TRPM3: variants seen among roughly 807,000 people sequenced by gnomAD.
TRPM3 encodes the protein transient receptor potential cation channel subfamily M member 3.
A neutral mutation model predicts 181.2 loss-of-function variants in TRPM3; 77 were observed. The ratio of observed to expected loss-of-function variants is 0.42; its 90% CI spans 0.35 to 0.51. TRPM3 has a LOEUF of 0.51. TRPM3 is among the 20% of genes least tolerant of loss of function. The pLI is 0.01. For synonymous variants in TRPM3, 745 were observed against 796.4 expected (o/e 0.94, Z 1.09); for missense variants, 1,759 against 2,196.7 (o/e 0.80, Z 3.98).
At chr9:70,860,508 G>A (rs1055183534) in intron 3 of TRPM3, among the ~76,000 whole-genome samples, 7 of 152,134 alleles carry the variant, frequency 4.6e-5, no homozygotes, top group Non-Finnish European at 7.4e-5. Context: ...TTTTACAAGT[G>A]AGGAAACTGA....
intron 1 of TRPM3, among the ~76,000 whole-genome samples, chr9:70,905,078 G>A (rs2096443058): frequency 6.6e-6 from 1 of 152,178 alleles, no homozygotes; most frequent in Admixed American, 6.5e-5. Context: ...AATTAGATAT[G>A]ACTCCCATCA....
At chr9:70,964,672 C>T (rs1347995266) in intron 1 of TRPM3, among the ~76,000 whole-genome samples, 1 of 152,028 alleles carries the variant, frequency 6.6e-6, no homozygotes, top group Admixed American at 6.6e-5. Context: ...AGGTGTGACT[C>T]CTGTCCTTGA....
chr9:71,007,816 T>C (rs1237618487), intron 1 of TRPM3, among the ~76,000 whole-genome samples: 1 of 152,012 alleles, frequency 6.6e-6, no homozygotes, highest in Non-Finnish European at 1.5e-5. Flanking sequence ...TAAATGCCTA[T>C]ATCTAAAAAA....
intron 1 of TRPM3, among the ~76,000 whole-genome samples, chr9:71,221,422 A>C (rs746312144): frequency 6.6e-6 from 1 of 152,224 alleles, no homozygotes; most frequent in African/African-American, 2.4e-5. Context: ...AATAAAAAAT[A>C]ATTTTAATAT....
intron 1 of TRPM3, among the ~76,000 whole-genome samples, chr9:71,419,701 T>G (rs940522977): frequency 6.6e-6 from 1 of 151,982 alleles, no homozygotes; most frequent in African/African-American, 2.4e-5. Context: ...ACTGTACACT[T>G]AAAATGGATA....
At chr9:71,426,084 T>G (rs1056633317) in intron 1 of TRPM3, among the ~76,000 whole-genome samples, 1 of 152,166 alleles carries the variant, frequency 6.6e-6, no homozygotes, top group African/African-American at 2.4e-5. Context: ...TATTTCACAA[T>G]TAGGTTTCAT....
intron 1 of TRPM3, among the ~76,000 whole-genome samples, chr9:71,027,296 G>A (rs886839817): frequency 6.6e-6 from 1 of 152,140 alleles, no homozygotes; most frequent in Non-Finnish European, 1.5e-5. Flanking sequence ...ATGGACTAGG[G>A]TAAAAGAAAA....
chr9:71,064,422 GT>G (rs34258713), intron 1 of TRPM3, among the ~76,000 whole-genome samples: 345 of 142,810 alleles, frequency 2.4e-3, no homozygotes, highest in Middle Eastern at 0.011. Context: ...TATCACCATG[GT>G]TTTTTTTTTT....
At chr9:71,259,360 T>G (rs2082884689) in intron 1 of TRPM3, among the ~76,000 whole-genome samples, 1 of 152,236 alleles carries the variant, frequency 6.6e-6, no homozygotes, top group Non-Finnish European at 1.5e-5. Context: ...AACATACATG[T>G]ACATGTGTCT....
intron 6 of TRPM3, among the ~76,000 whole-genome samples, chr9:70,792,663 G>GAGAA (rs1554709749): frequency 8.1e-6 from 1 of 123,056 alleles, no homozygotes; most frequent in Non-Finnish European, 1.9e-5. Context: ...CAGAAAGACA[G>GAGAA]AGAGAGAGAG....
At chr9:71,382,390 A>T (rs2092821661) in intron 1 of TRPM3, among the ~76,000 whole-genome samples, 1 of 152,168 alleles carries the variant, frequency 6.6e-6, no homozygotes, top group Admixed American at 6.6e-5. Flanking sequence ...AGGTAAAAAA[A>T]ATGGAGGCTC....
chr9:71,021,271 G>A lies in TRPM3; in HGVS notation c.177+99907C>T, dbSNP rs147978130. On this transcript the variant is annotated intron_variant, in intron 1 of 25. Coordinates refer to ENST00000677713, the MANE Select transcript of TRPM3 (RefSeq NM_001366145.2). ...TACATATGAGATTTTGGGAGGTGCT[G>A]GTATTGTTTTATTTATGGTGAAAAC... Among the ~76,000 whole-genome samples, 921 of 152,206 alleles carry A rather than the reference G, an allele frequency of 6.1e-3. 9 individuals are homozygous for A. Among genetic ancestry groups the A allele is most frequent in the African/African-American group, 0.021 (852 of 41,544 alleles).
intron 1 of TRPM3, among the ~76,000 whole-genome samples, chr9:71,427,539 G>T (rs2093886040): frequency 6.6e-6 from 1 of 152,144 alleles, no homozygotes; most frequent in Non-Finnish European, 1.5e-5. Flanking sequence ...ACTGCATAAA[G>T]AAAATGTGGT....
In TRPM3 at chr9:71,313,785, T is replaced by C. The variant is rs186410456; in HGVS notation, c.183+132868A>G. Among the ~76,000 whole-genome samples, 1,042 of 152,240 alleles carry C rather than the reference T, an allele frequency of 6.8e-3. 7 individuals carry two copies. The highest frequency in any genetic ancestry group is 9.6e-3 in the Non-Finnish European group (654 of 67,990). On this transcript the variant is annotated intron_variant, in intron 1 of 24. Coordinates refer to the TRPM3 transcript ENST00000357533. The stretch of plus-strand genomic sequence containing the variant: ...TATTTCCTCATTGGTCACTTGAAAA[T>C]ACTGAAACTCTTTTTCTTTTTCATC...
intron 6 of TRPM3, among the ~76,000 whole-genome samples, chr9:70,786,073 T>C (rs952981134): frequency 1.3e-5 from 2 of 151,984 alleles, no homozygotes; most frequent in African/African-American, 4.8e-5. Flanking sequence ...AAATGCTAGG[T>C]CTCCTTAAGG....
intron 1 of TRPM3, among the ~76,000 whole-genome samples, chr9:71,293,532 C>G (rs542180144): frequency 6.6e-6 from 1 of 151,174 alleles, no homozygotes; most frequent in South Asian, 2.1e-4. Context: ...AAATCCTTTA[C>G]GTAGAAAGTT....
upstream of TRPM3, among the ~76,000 whole-genome samples, chr9:71,124,493 A>G (rs2073913745): frequency 6.6e-6 from 1 of 152,192 alleles, no homozygotes; most frequent in South Asian, 2.1e-4. Flanking sequence ...CAAGCAGGGC[A>G]TATCAGATTT....
intron 1 of TRPM3, among the ~76,000 whole-genome samples, chr9:71,241,684 T>G (rs2081698255): frequency 6.6e-6 from 1 of 152,160 alleles, no homozygotes; most frequent in African/African-American, 2.4e-5. Context: ...CATGTAACAT[T>G]CTTCACAGAA....
At chr9:71,424,325 A>C (rs894649767) in intron 1 of TRPM3, among the ~76,000 whole-genome samples, 2 of 152,148 alleles carry the variant, frequency 1.3e-5, no homozygotes, top group African/African-American at 2.4e-5. Flanking sequence ...TTTTAAAAAC[A>C]GATTGGGGTT....
Sources: gnomAD v4.1 joint callset for allele counts (sites outside exome capture counted in the v4.1 genomes callset) on GRCh38, gnomAD v4.1.1 for gene constraint, MANE v1.5 for transcripts, NCBI Gene and HGNC (gene_info 2026-07-23, HGNC 2026-07-21) for gene names.